The following GPM6B variants were observed in gnomAD, a reference collection of about 807,000 sequenced individuals.
GPM6B encodes neuronal membrane glycoprotein M6-b.
A neutral mutation model predicts 27.2 loss-of-function variants in GPM6B; 4 were observed. That is an observed-to-expected ratio of 0.15 (90% CI 0.07 to 0.34). The LOEUF is 0.34. Among genes scored for constraint, GPM6B ranks in the 10% least tolerant of loss-of-function variants. The pLI is 1.00. For synonymous variants in GPM6B, 124 were observed against 103.1 expected, an observed-to-expected ratio of 1.20 and a Z score of -1.23; for missense variants, 183 against 261.9, an observed-to-expected ratio of 0.70 and a Z score of 2.08.
At chrX:13,797,535 G>T (rs2147156131) in intron 2 of GPM6B, among the ~76,000 whole-genome samples, 1 of 111,396 alleles carries the variant, frequency 9.0e-6, no homozygotes, top group East Asian at 2.8e-4. Context: ...GTGGGGAGAA[G>T]TCAGGAAGGT....
At chrX:13,774,861 G>A (rs904096223) in intron 7 of GPM6B, among the ~76,000 whole-genome samples, 5 of 112,017 alleles carry the variant, frequency 4.5e-5, no homozygotes, top group East Asian at 2.8e-4. Context: ...ACTTGGATGC[G>A]TTTCAAGAAT....
chrX:13,787,648 G>A (rs1235987607), intron 2 of GPM6B, among the ~76,000 whole-genome samples: 1 of 112,485 alleles, frequency 8.9e-6, no homozygotes, highest in Non-Finnish European at 1.9e-5. Context: ...GGATTTGTGA[G>A]CAGAGATGTT....
At chrX:13,795,546 C>G (rs1037211881) in intron 2 of GPM6B, among the ~76,000 whole-genome samples, 8 of 111,706 alleles carry the variant, frequency 7.2e-5, no homozygotes, top group Admixed American at 6.7e-4. Flanking sequence ...GTCCAGCTGT[C>G]TACTGTTAAG....
At chrX:13,892,483 T>C (rs2050197622) in intron 1 of GPM6B, among the ~76,000 whole-genome samples, 1 of 112,363 alleles carries the variant, frequency 8.9e-6, no homozygotes, top group Non-Finnish European at 1.9e-5. Flanking sequence ...CATGCTTATA[T>C]ACCAAGTGGC....
chrX:13,802,535 G>A (rs1434177099), intron 2 of GPM6B, among the ~76,000 whole-genome samples: 1 of 98,474 alleles, frequency 1.0e-5, no homozygotes, highest in Non-Finnish European at 2.0e-5. Flanking sequence ...TTTGTTTACA[G>A]CTATATATAA....
chrX:13,851,271 A>G (rs1469433060), intron 1 of GPM6B, among the ~76,000 whole-genome samples: 3 of 110,921 alleles, frequency 2.7e-5, no homozygotes, highest in Non-Finnish European at 3.8e-5. Flanking sequence ...ATTCTGAGCC[A>G]GAGCTGGGTT....
At chrX:13,916,857 G>A (rs1173389947) in intron 1 of GPM6B, among the ~76,000 whole-genome samples, 3 of 110,937 alleles carry the variant, frequency 2.7e-5, no homozygotes, top group African/African-American at 9.8e-5. Flanking sequence ...TATAACTTCT[G>A]CTAGCTTAAT....
intron 1 of GPM6B, among the ~76,000 whole-genome samples, chrX:13,906,817 C>A (rs2050335684): frequency 8.9e-6 from 1 of 111,915 alleles, no homozygotes; most frequent in Non-Finnish European, 1.9e-5. Context: ...TATTCCCAAA[C>A]TTGACTCCAA....
intron 1 of GPM6B, among the ~76,000 whole-genome samples, chrX:13,827,267 C>G (rs900490826): frequency 2.1e-5 from 2 of 93,301 alleles, no homozygotes; most frequent in African/African-American, 8.4e-5. Flanking sequence ...GAACTACCGA[C>G]TTCCTTTTTT....
intron 1 of GPM6B, among the ~76,000 whole-genome samples, chrX:13,893,797 G>T (rs777673156): frequency 8.9e-6 from 1 of 112,428 alleles, no homozygotes; most frequent in Non-Finnish European, 1.9e-5. Context: ...CCACAGATCT[G>T]GTTTATTTTC....
At chrX:13,823,597 G>A (rs189178202) in intron 1 of GPM6B, among the ~76,000 whole-genome samples, 3 of 106,072 alleles carry the variant, frequency 2.8e-5, no homozygotes, top group East Asian at 5.9e-4. Flanking sequence ...TCGGCTCCCT[G>A]CAACCTCTGC....
intron 1 of GPM6B, among the ~76,000 whole-genome samples, chrX:13,887,525 T>C (rs1354011613): frequency 3.6e-5 from 4 of 111,452 alleles, no homozygotes; most frequent in Non-Finnish European, 7.5e-5. Flanking sequence ...AAGTTATAAT[T>C]AAGTGGGCTG....
At chrX:13,928,024 T>C (rs1439937723) in intron 1 of GPM6B, among the ~76,000 whole-genome samples, 1 of 112,087 alleles carries the variant, frequency 8.9e-6, no homozygotes, top group African/African-American at 3.2e-5. Flanking sequence ...ACCATAATGA[T>C]TTAGAAGCAG....
intron 1 of GPM6B, among the ~76,000 whole-genome samples, chrX:13,822,940 C>T (rs17215613): frequency 0.45 from 49,484 of 110,954 alleles, 8,111 homozygotes; most frequent in Non-Finnish European, 0.49. Flanking sequence ...TAGAATGTGA[C>T]TGTCTACATT....
intron 1 of GPM6B, among the ~76,000 whole-genome samples, chrX:13,904,575 C>A (rs2050311105): frequency 9.0e-6 from 1 of 111,517 alleles, no homozygotes; most frequent in South Asian, 3.8e-4. Flanking sequence ...AGCCCCACAC[C>A]CATTCACTTC....
At chrX:13,825,926 G>A (rs2049366847) in intron 1 of GPM6B, among the ~76,000 whole-genome samples, 1 of 111,841 alleles carries the variant, frequency 8.9e-6, no homozygotes, top group Admixed American at 9.5e-5. Flanking sequence ...GTGGCAGGAT[G>A]TGATGCTTCT....
Position 13,807,520 on chromosome X carries a change from C to A in GPM6B, c.181+130G>T, listed in dbSNP as rs2049045413. 4 of 468,124 alleles carry A rather than the reference C, an allele frequency of 8.5e-6. No homozygotes were observed. The highest frequency in any genetic ancestry group is 1.4e-5 in the Non-Finnish European group (4 of 289,778). The allele number at this position is 468,124 out of a possible 1,213,427, so 38.6% of individuals were successfully genotyped here. A position where few individuals can be genotyped will look rare whatever the true frequency, so the allele number is the denominator to read the frequency against. On this transcript the variant is annotated intron_variant, in intron 2 of 7. Coordinates refer to ENST00000316715, the MANE Select transcript of GPM6B (RefSeq NM_001001995.3). ...AAAATGTTTATAGGGCGAATTCCACCCATGCCCGTGTGAACAAATTAATGC... is the reference window on the plus strand; with the variant it reads ...AAAATGTTTATAGGGCGAATTCCACACATGCCCGTGTGAACAAATTAATGC...
At chrX:13,930,258 A>G (rs1348715925) in intron 1 of GPM6B, among the ~76,000 whole-genome samples, 2 of 112,325 alleles carry the variant, frequency 1.8e-5, no homozygotes, top group African/African-American at 6.5e-5. Context: ...AGCTATTAAA[A>G]TAAATTTTAG....
At chrX:13,938,453 CGGGGCG>C, upstream of GPM6B, 1 of 841,681 alleles carries the variant, frequency 1.2e-6, no homozygotes, top group Non-Finnish European at 1.5e-6. Flanking sequence ...CGCGCCCTCC[CGGGGCG>C]GGGGCGCGAG....
Sources: allele counts gnomAD v4.1 joint callset (sites outside exome capture counted in the v4.1 genomes callset), GRCh38; gene constraint gnomAD v4.1.1; transcripts MANE v1.5; gene names NCBI Gene and HGNC (gene_info 2026-07-23, HGNC 2026-07-21).